Variants in CCDC125 observed in about 807,000 individuals in gnomAD.
CCDC125 encodes coiled-coil domain containing 125, also known as coiled-coil domain-containing protein 125.
CCDC125 carries 43 observed loss-of-function variants against 57.4 expected under a neutral mutation model. The ratio of observed to expected loss-of-function variants is 0.75; its 90% CI spans 0.59 to 0.97. CCDC125 has a LOEUF of 0.97. Ranked by LOEUF, CCDC125 falls within the 50% of genes least tolerant of loss-of-function variation. The pLI is 0.00. For missense variants in CCDC125, 563 were observed against 595.7 expected, an observed-to-expected ratio of 0.95 and a Z score of 0.57; for synonymous variants, 187 against 195.2, an observed-to-expected ratio of 0.96 and a Z score of 0.35.
intron 1 of CCDC125, among the ~76,000 whole-genome samples, chr5:69,322,970 C>G (rs1760268705): frequency 6.6e-6 from 1 of 151,808 alleles, no homozygotes; most frequent in African/African-American, 2.4e-5. Context: ...AACTGTGCCT[C>G]CACACTCCAG....
At chr5:69,332,074 T>C (rs867936100) in intron 1 of CCDC125, among the ~76,000 whole-genome samples, 6 of 152,354 alleles carry the variant, frequency 3.9e-5, no homozygotes, top group Middle Eastern at 3.4e-3. Context: ...GCCTGACAAC[T>C]CTGCCTTAGC....
At chr5:69,320,097 T>G (rs1759780513) in intron 2 of CCDC125, 140 bp downstream of exon 2, 1 of 837,020 alleles carries the variant, frequency 1.2e-6, no homozygotes, top group Admixed American at 2.5e-5. Context: ...CACTCCAGCC[T>G]GGGTGACAGA....
chr5:69,279,409 G>A (rs1020193010), downstream of CCDC125, among the ~76,000 whole-genome samples: 1 of 152,096 alleles, frequency 6.6e-6, no homozygotes, highest in African/African-American at 2.4e-5. Flanking sequence ...TGTTAGCCAG[G>A]ATGGTCTCTA....
downstream of CCDC125, chr5:69,276,984 TG>T: frequency 1.2e-6 from 1 of 829,362 alleles, no homozygotes; most frequent in South Asian, 1.9e-5. Flanking sequence ...CAAGTGCTAC[TG>T]GAAAAAATGT....
At chr5:69,275,997 T>C (rs1202164100), downstream of CCDC125, among the ~76,000 whole-genome samples, 1 of 152,298 alleles carries the variant, frequency 6.6e-6, no homozygotes, top group Admixed American at 6.5e-5. Context: ...CTGTATAGGC[T>C]ATTTAATTAT....
At chr5:69,313,844 C>A in intron 3 of CCDC125, 141 bp downstream of exon 3, 1 of 849,538 alleles carries the variant, frequency 1.2e-6, no homozygotes. Context: ...CTTGATGACA[C>A]CATCAGAGAC....
chr5:69,321,500 C>T (rs972458371), intron 1 of CCDC125, among the ~76,000 whole-genome samples: 3 of 152,336 alleles, frequency 2.0e-5, no homozygotes, highest in Admixed American at 6.5e-5. Context: ...CCCTGGGCTA[C>T]ATGGTAGAGC....
At position 69,303,918 on chromosome 5, in the gene CCDC125, TCA is replaced by T. The variant is rs779213142; in HGVS notation, c.627_628del (p.Cys209Ter). 1.1e-5 allele frequency: 18 copies of T among 1,603,516 alleles called. No homozygotes were observed. Among genetic ancestry groups the T allele is most frequent in the East Asian group, 9.0e-5 (4 of 44,540 alleles). On this transcript the variant is annotated stop_gained and frameshift_variant, in exon 7 of 12. Transcript: ENST00000396496. LOFTEE classifies it high-confidence loss of function. ...CAAATTCTCTTTGAGGACTGCATTTTCACAGTTTAGCCTGGAAAAAAGTGGCT... is the reference window on the plus strand; with the variant it reads ...CAAATTCTCTTTGAGGACTGCATTTTCAGTTTAGCCTGGAAAAAAGTGGCT...
At chr5:69,279,278 A>G (rs1057234658), downstream of CCDC125, among the ~76,000 whole-genome samples, 3 of 149,024 alleles carry the variant, frequency 2.0e-5, no homozygotes, top group Admixed American at 6.7e-5. Context: ...GCTCACTGCA[A>G]CCTCCGCCCA....
chr5:69,319,445 T>C (rs1280476871), intron 2 of CCDC125, among the ~76,000 whole-genome samples: 2 of 151,980 alleles, frequency 1.3e-5, no homozygotes, highest in Non-Finnish European at 2.9e-5. Context: ...GCATAACTAC[T>C]GTACTGTACA....
chr5:69,286,370 TAC>T (rs1299037750), intron 10 of CCDC125, among the ~76,000 whole-genome samples: 2 of 150,954 alleles, frequency 1.3e-5, no homozygotes, highest in African/African-American at 4.9e-5. Context: ...TAGCTGGGAC[TAC>T]AGGCGCCCGC....
At chr5:69,279,613 G>A (rs1384683182), downstream of CCDC125, among the ~76,000 whole-genome samples, 2 of 152,032 alleles carry the variant, frequency 1.3e-5, no homozygotes, top group Admixed American at 6.6e-5. Flanking sequence ...TTGTCCTGTG[G>A]CACTCACCAC....
chr5:69,286,233 TA>T (rs1227583360), intron 10 of CCDC125, among the ~76,000 whole-genome samples: 1 of 106,388 alleles, frequency 9.4e-6, no homozygotes, highest in Non-Finnish European at 1.9e-5. Flanking sequence ...TATATATATA[TA>T]ATTTTTTTTT....
chr5:69,324,678 C>T (rs545728749), intron 1 of CCDC125, among the ~76,000 whole-genome samples: 2 of 152,104 alleles, frequency 1.3e-5, no homozygotes, highest in African/African-American at 4.8e-5. Context: ...AATGCATTTC[C>T]GATATATGCA....
At chr5:69,329,778 C>T (rs1003828699) in intron 1 of CCDC125, among the ~76,000 whole-genome samples, 1 of 152,160 alleles carries the variant, frequency 6.6e-6, no homozygotes, top group Non-Finnish European at 1.5e-5. Context: ...GCTGGGATTA[C>T]AGGCATGAGC....
chr5:69,279,801 A>G (rs1752380211), downstream of CCDC125, among the ~76,000 whole-genome samples: 1 of 152,052 alleles, frequency 6.6e-6, no homozygotes, highest in South Asian at 2.1e-4. Context: ...GAGGCAGGAT[A>G]GGAGTGTATT....
chr5:69,326,341 G>A (rs144663853), intron 1 of CCDC125, among the ~76,000 whole-genome samples: 19 of 152,190 alleles, frequency 1.2e-4, no homozygotes, highest in African/African-American at 4.6e-4. Flanking sequence ...CTTTTTCCCA[G>A]ATTTTTATAA....
At chr5:69,289,504 T>C (rs964359181) in intron 10 of CCDC125, among the ~76,000 whole-genome samples, 10 of 152,226 alleles carry the variant, frequency 6.6e-5, no homozygotes, top group African/African-American at 2.4e-4. Context: ...TACCTTCAGC[T>C]TTTATGAAGA....
intron 11 of CCDC125, among the ~76,000 whole-genome samples, chr5:69,283,306 G>C (rs1210925411): frequency 6.8e-6 from 1 of 147,298 alleles, no homozygotes; most frequent in African/African-American, 2.5e-5. Context: ...TGCAAGCTCT[G>C]CCTCCCAGGT....
Sources: gnomAD v4.1 joint callset for allele counts (sites outside exome capture counted in the v4.1 genomes callset) on GRCh38, gnomAD v4.1.1 for gene constraint, MANE v1.5 for transcripts, NCBI Gene and HGNC (gene_info 2026-07-23, HGNC 2026-07-21) for gene names.